The following GPC5 variants were observed in gnomAD, a reference collection of about 807,000 sequenced individuals.
GPC5 encodes the protein glypican 5.
GPC5 carries 47 observed loss-of-function variants against 53.9 expected under a neutral mutation model. The observed-to-expected ratio is 0.87, with a 90% CI of 0.69 to 1.11. The LOEUF (loss-of-function observed/expected upper bound fraction) is 1.11, where lower values mean the gene tolerates loss of function less well. Among genes scored for constraint, GPC5 ranks in the 50% most tolerant of loss-of-function variants. The probability of loss-of-function intolerance (pLI) is 0.00; values close to 1 mark genes in which losing one functional copy is unlikely to be tolerated. For synonymous variants in GPC5, 286 were observed against 263.3 expected (o/e 1.09, Z -0.84); for missense variants, 748 against 713.1 (o/e 1.05, Z -0.56).
At chr13:91,538,544 AGATGTTAAT>A (rs1349142117) in intron 2 of GPC5, among the ~76,000 whole-genome samples, 3 of 151,752 alleles carry the variant, frequency 2.0e-5, no homozygotes, top group Non-Finnish European at 4.4e-5. Flanking sequence ...CATACCAAAT[AGATGTTAAT>A]CTCCAGAACA....
chr13:91,502,057 C>T (rs915563903), intron 2 of GPC5, among the ~76,000 whole-genome samples: 2 of 152,190 alleles, frequency 1.3e-5, no homozygotes, highest in Non-Finnish European at 2.9e-5. Flanking sequence ...TGAGAAGTGT[C>T]TGTTCTTATC....
chr13:92,401,859 C>T (rs1875572598), intron 7 of GPC5, among the ~76,000 whole-genome samples: 2 of 152,038 alleles, frequency 1.3e-5, no homozygotes, highest in South Asian at 2.1e-4. Context: ...CTCCAATGCT[C>T]GGTTGCATAC....
At chr13:91,432,649 T>C (rs1879585989) in intron 1 of GPC5, among the ~76,000 whole-genome samples, 1 of 152,204 alleles carries the variant, frequency 6.6e-6, no homozygotes, top group South Asian at 2.1e-4. Flanking sequence ...AAGAGCTAAA[T>C]ACTTAATACT....
chr13:92,589,294 A>C (rs1295078570), intron 7 of GPC5, among the ~76,000 whole-genome samples: 1 of 152,176 alleles, frequency 6.6e-6, no homozygotes, highest in African/African-American at 2.4e-5. Context: ...GAGAAGATTG[A>C]GTTGAAACCT....
At chr13:91,808,205 A>G (rs1220469257) in intron 5 of GPC5, among the ~76,000 whole-genome samples, 1 of 152,192 alleles carries the variant, frequency 6.6e-6, no homozygotes, top group East Asian at 1.9e-4. Context: ...AAAAGCATAT[A>G]TAACTCTTTT....
At chr13:91,833,460 G>A (rs1255639716) in intron 5 of GPC5, among the ~76,000 whole-genome samples, 1 of 151,880 alleles carries the variant, frequency 6.6e-6, no homozygotes, top group Non-Finnish European at 1.5e-5. Flanking sequence ...GAAAATTTCA[G>A]GGCCACTATC....
At position 91,557,802 on chromosome 13, in the gene GPC5, A is replaced by G. The variant is rs537008460; in HGVS notation, c.325+108880A>G. Among the ~76,000 whole-genome samples the G allele has an allele frequency of 5.9e-5, 9 of 152,248 alleles. No individual in the cohort carries two copies. In the South Asian group the frequency reaches 1.9e-3, roughly 32 times the overall value. Reference sequence around the variant, plus strand: ...TCTCAGATGGCAAACATAATGTGCAAAGAGGCATTTCTGCCTTCAAATAAA... The same window carrying G: ...TCTCAGATGGCAAACATAATGTGCAGAGAGGCATTTCTGCCTTCAAATAAA... On this transcript the variant is annotated intron_variant, in intron 2 of 7. Coordinates refer to ENST00000377067, the MANE Select transcript of GPC5 (RefSeq NM_004466.6).
At chr13:92,703,126 G>C (rs1887816010) in intron 7 of GPC5, among the ~76,000 whole-genome samples, 1 of 151,044 alleles carries the variant, frequency 6.6e-6, no homozygotes, top group South Asian at 2.1e-4. Context: ...ACTATGTAAT[G>C]TAGTTATTTA....
chr13:91,790,219 TC>T (rs2138745213), intron 5 of GPC5, among the ~76,000 whole-genome samples: 1 of 152,338 alleles, frequency 6.6e-6, no homozygotes, highest in South Asian at 2.1e-4. Context: ...AATTTTCATT[TC>T]TCAGATTGTT....
intron 7 of GPC5, among the ~76,000 whole-genome samples, chr13:92,632,792 C>T (rs890988825): frequency 6.6e-6 from 1 of 152,074 alleles, no homozygotes; most frequent in African/African-American, 2.4e-5. Context: ...GGAGGCCTTA[C>T]AATCCTGGTG....
intron 7 of GPC5, among the ~76,000 whole-genome samples, chr13:92,192,260 T>G (rs934963426): frequency 2.0e-5 from 3 of 152,184 alleles, no homozygotes; most frequent in Admixed American, 1.3e-4. Flanking sequence ...TGTGTCAATG[T>G]TGGTTCATTT....
At chr13:92,600,182 G>T (rs1370121631) in intron 7 of GPC5, among the ~76,000 whole-genome samples, 2 of 152,046 alleles carry the variant, frequency 1.3e-5, no homozygotes, top group African/African-American at 4.8e-5. Flanking sequence ...CCTGTAGGTG[G>T]ATTTGCTTTT....
chr13:92,220,902 T>G (rs2042443804), intron 7 of GPC5, among the ~76,000 whole-genome samples: 1 of 152,184 alleles, frequency 6.6e-6, no homozygotes, highest in Non-Finnish European at 1.5e-5. Flanking sequence ...GATATTTCTG[T>G]TGTAGACTCT....
intron 5 of GPC5, among the ~76,000 whole-genome samples, chr13:91,806,385 G>T (rs1326532140): frequency 6.6e-6 from 1 of 151,254 alleles, no homozygotes; most frequent in African/African-American, 2.4e-5. Flanking sequence ...TAGAATAGCA[G>T]AATTTATTTT....
intron 2 of GPC5, among the ~76,000 whole-genome samples, chr13:91,599,235 C>T (rs1040736072): frequency 3.3e-5 from 5 of 152,074 alleles, no homozygotes; most frequent in Non-Finnish European, 7.4e-5. Context: ...TGTGATGGAA[C>T]TTGTTTTCTC....
intron 7 of GPC5, among the ~76,000 whole-genome samples, chr13:92,338,151 A>T (rs2043337749): frequency 6.6e-6 from 1 of 152,076 alleles, no homozygotes; most frequent in Non-Finnish European, 1.5e-5. Flanking sequence ...TTGGCCAAAG[A>T]CCTCAAAGGA....
chr13:92,047,946 A>C (rs1481940139), intron 6 of GPC5, among the ~76,000 whole-genome samples: 1 of 151,946 alleles, frequency 6.6e-6, no homozygotes, highest in East Asian at 1.9e-4. Flanking sequence ...AGCCGAGATC[A>C]TGCCACTGCA....
intron 7 of GPC5, among the ~76,000 whole-genome samples, chr13:92,729,131 C>T (rs1405079174): frequency 1.3e-5 from 2 of 151,232 alleles, no homozygotes; most frequent in East Asian, 3.9e-4. Context: ...CCCTTCTCCC[C>T]AAAGCATCCT....
intron 7 of GPC5, among the ~76,000 whole-genome samples, chr13:92,681,570 G>A (rs1414493322): frequency 1.3e-5 from 2 of 152,022 alleles, no homozygotes; most frequent in South Asian, 2.1e-4. Flanking sequence ...TGCACCTTAC[G>A]ACATCTTTGA....
Sources: allele counts gnomAD v4.1 joint callset (sites outside exome capture counted in the v4.1 genomes callset), GRCh38; gene constraint gnomAD v4.1.1; transcripts MANE v1.5; gene names NCBI Gene and HGNC (gene_info 2026-07-23, HGNC 2026-07-21).